The following CACNG3 variants were observed in gnomAD, a reference collection of about 807,000 sequenced individuals.
CACNG3 encodes voltage-dependent calcium channel gamma-3 subunit.
In CACNG3, 3 loss-of-function variants were observed where a neutral mutation model predicts 28.5. That is an observed-to-expected ratio of 0.11 (90% CI 0.05 to 0.27). The LOEUF is 0.27. Ranked by LOEUF, CACNG3 falls within the 10% of genes least tolerant of loss-of-function variation. The pLI is 1.00. For synonymous variants in CACNG3, 174 were observed against 162.2 expected (o/e 1.07, Z -0.55); for missense variants, 236 against 414.4 (o/e 0.57, Z 3.74).
intron 1 of CACNG3, among the ~76,000 whole-genome samples, chr16:24,287,600 T>G (rs1055163036): frequency 6.6e-6 from 1 of 151,800 alleles, no homozygotes; most frequent in African/African-American, 2.4e-5. Context: ...AACCAACTTG[T>G]TAAACCTTCA....
At chr16:24,322,091 G>C (rs945304648) in intron 1 of CACNG3, among the ~76,000 whole-genome samples, 11 of 152,098 alleles carry the variant, frequency 7.2e-5, no homozygotes, top group African/African-American at 2.4e-4. Flanking sequence ...TAATTCAATG[G>C]GGGAACCTGA....
At chr16:24,315,726 G>C (rs1179364021) in intron 1 of CACNG3, among the ~76,000 whole-genome samples, 1 of 150,650 alleles carries the variant, frequency 6.6e-6, no homozygotes, top group African/African-American at 2.4e-5. Flanking sequence ...CATGATCTTG[G>C]CTCACTGTAA....
intron 1 of CACNG3, among the ~76,000 whole-genome samples, chr16:24,320,260 G>A (rs1472006966): frequency 6.6e-6 from 1 of 152,148 alleles, no homozygotes; most frequent in Admixed American, 6.5e-5. Flanking sequence ...AAGGCATGAG[G>A]GTTCATTTAC....
At chr16:24,326,625 C>T (rs1899548989) in intron 1 of CACNG3, among the ~76,000 whole-genome samples, 1 of 152,208 alleles carries the variant, frequency 6.6e-6, no homozygotes. Flanking sequence ...CCCTCTTAGC[C>T]AACCACTGTA....
At chr16:24,284,290 ATAGAC>A (rs1898866544) in intron 1 of CACNG3, among the ~76,000 whole-genome samples, 1 of 152,168 alleles carries the variant, frequency 6.6e-6, no homozygotes, top group South Asian at 2.1e-4. Flanking sequence ...ATGCTCTGAA[ATAGAC>A]TAAATAGCAT....
intron 1 of CACNG3, among the ~76,000 whole-genome samples, chr16:24,345,254 CT>C (rs1343934052): frequency 5.3e-5 from 8 of 152,194 alleles, no homozygotes; most frequent in South Asian, 2.1e-4. Context: ...GCCCGCCCCC[CT>C]GATTCCACTC....
intron 2 of CACNG3, among the ~76,000 whole-genome samples, chr16:24,350,950 T>G (rs751613636): frequency 2.6e-5 from 4 of 152,142 alleles, no homozygotes; most frequent in Non-Finnish European, 5.9e-5. Context: ...GATGGGCCCA[T>G]TAAAAATAAG....
chr16:24,281,524 A>C (rs1163294870), intron 1 of CACNG3, among the ~76,000 whole-genome samples: 5 of 152,150 alleles, frequency 3.3e-5, no homozygotes, highest in Non-Finnish European at 5.9e-5. Flanking sequence ...TGTGTACTTG[A>C]ATCCAGCATA....
At chr16:24,327,778 C>T (rs1201202368) in intron 1 of CACNG3, among the ~76,000 whole-genome samples, 2 of 151,580 alleles carry the variant, frequency 1.3e-5, no homozygotes, top group Non-Finnish European at 2.9e-5. Flanking sequence ...CACATCTCTA[C>T]AAAAAATGAA....
intron 2 of CACNG3, among the ~76,000 whole-genome samples, chr16:24,351,657 C>T (rs370602780): frequency 3.5e-4 from 33 of 94,080 alleles, no homozygotes; most frequent in African/African-American, 1.8e-3. Flanking sequence ...GGGGGAAAGA[C>T]AGACGAAAGA....
chr16:24,327,636 AAAC>A (rs1350712263), intron 1 of CACNG3, among the ~76,000 whole-genome samples: 1 of 143,786 alleles, frequency 7.0e-6, no homozygotes, highest in Non-Finnish European at 1.5e-5. Flanking sequence ...AACAAAAACA[AAAC>A]AAAACAAAAC....
intron 2 of CACNG3, among the ~76,000 whole-genome samples, chr16:24,347,901 G>A (rs936435978): frequency 6.6e-6 from 1 of 152,062 alleles, no homozygotes; most frequent in African/African-American, 2.4e-5. Context: ...AGATTATAAT[G>A]TCATCCATCT....
chr16:24,333,331 C>G (rs1029039682), intron 1 of CACNG3: 2 of 152,126 alleles, frequency 1.3e-5, no homozygotes, highest in East Asian at 3.8e-4. Context: ...AAGTTGGAAG[C>G]ATGTTTTCGG....
intron 1 of CACNG3, among the ~76,000 whole-genome samples, chr16:24,303,964 A>T (rs1899148577): frequency 6.6e-6 from 1 of 152,188 alleles, no homozygotes; most frequent in African/African-American, 2.4e-5. Context: ...AGCCTACACC[A>T]TAGGCTGTGG....
intron 1 of CACNG3, among the ~76,000 whole-genome samples, chr16:24,280,177 C>T (rs551166617): frequency 2.6e-5 from 4 of 152,296 alleles, no homozygotes; most frequent in East Asian, 3.9e-4. Flanking sequence ...TTTATTGGGT[C>T]GTGGAAAGCC....
chr16:24,265,455 G>A (rs930404174), intron 1 of CACNG3, among the ~76,000 whole-genome samples: 1 of 137,058 alleles, frequency 7.3e-6, no homozygotes, highest in Admixed American at 7.4e-5. Context: ...GAAAAAGAAA[G>A]AAGAAGGAAG....
At chr16:24,329,046 G>T (rs902420577) in intron 1 of CACNG3, among the ~76,000 whole-genome samples, 2 of 152,140 alleles carry the variant, frequency 1.3e-5, no homozygotes. Context: ...AGGAGACACC[G>T]CCCTGTTTCC....
At chr16:24,330,770 G>A (rs1004175421) in intron 1 of CACNG3, among the ~76,000 whole-genome samples, 1 of 152,184 alleles carries the variant, frequency 6.6e-6, no homozygotes, top group African/African-American at 2.4e-5. Context: ...AGCTCCAGAA[G>A]CCTCTGTGGT....
chr16:24,343,508 T>C (rs2299672), intron 1 of CACNG3, among the ~76,000 whole-genome samples: 53,512 of 151,952 alleles, frequency 0.35, 9,846 homozygotes, highest in South Asian at 0.45. Context: ...CCTGCCCAGG[T>C]GCCCCTGGGA....
Sources: allele counts gnomAD v4.1 joint callset (sites outside exome capture counted in the v4.1 genomes callset), GRCh38; gene constraint gnomAD v4.1.1; transcripts MANE v1.5; gene names NCBI Gene and HGNC (gene_info 2026-07-23, HGNC 2026-07-21).